Variants in PRDM1 observed in about 807,000 individuals in gnomAD.
PRDM1 encodes the protein PR/SET domain 1, also known as PR domain zinc finger protein 1.
A neutral mutation model predicts 62.8 loss-of-function variants in PRDM1; 13 were observed. That is an observed-to-expected ratio of 0.21 (90% CI 0.13 to 0.33). The LOEUF (loss-of-function observed/expected upper bound fraction) is 0.33, where lower values mean the gene tolerates loss of function less well. PRDM1 is among the 10% of genes least tolerant of loss of function. The pLI, the probability that PRDM1 is intolerant of heterozygous loss-of-function variation, is 1.00. For missense variants in PRDM1, 895 were observed against 1,058.8 expected, an observed-to-expected ratio of 0.85 and a Z score of 2.15; for synonymous variants, 396 against 417.6, an observed-to-expected ratio of 0.95 and a Z score of 0.63.
chr6:106,063,272 A>G (rs1773375197), intron 1 of PRDM1, among the ~76,000 whole-genome samples: 1 of 152,240 alleles, frequency 6.6e-6, no homozygotes, highest in African/African-American at 2.4e-5. Flanking sequence ...GCTGTAGAGC[A>G]GATAATCTCA....
At chr6:106,023,124 TTA>T (rs1235461512) in intron 1 of PRDM1, among the ~76,000 whole-genome samples, 1 of 152,220 alleles carries the variant, frequency 6.6e-6, no homozygotes, top group African/African-American at 2.4e-5. Context: ...TGGTAATTCA[TTA>T]GCACTGTCTT....
At chr6:106,067,992 T>G (rs892167872) in intron 1 of PRDM1, among the ~76,000 whole-genome samples, 1 of 152,192 alleles carries the variant, frequency 6.6e-6, no homozygotes, top group African/African-American at 2.4e-5. Context: ...TTATCTATAT[T>G]TATTTTGCAT....
chr6:106,071,452 GAAGA>G (rs1773519334), intron 1 of PRDM1, among the ~76,000 whole-genome samples: 1 of 151,866 alleles, frequency 6.6e-6, no homozygotes, highest in African/African-American at 2.4e-5. Context: ...ATTAATACAG[GAAGA>G]TAACAATGCT....
At chr6:105,993,134 A>C, upstream of PRDM1, among the ~76,000 whole-genome samples, 1 of 152,228 alleles carries the variant, frequency 6.6e-6, no homozygotes, top group East Asian at 1.9e-4. Flanking sequence ...CCCTCCTTTT[A>C]CAATATTTCA....
chr6:106,031,162 T>C (rs1394481239), intron 1 of PRDM1, among the ~76,000 whole-genome samples: 1 of 152,208 alleles, frequency 6.6e-6, no homozygotes, highest in Non-Finnish European at 1.5e-5. Context: ...CTTCAATTTT[T>C]AGAATATATA....
Position 106,086,396 on chromosome 6 carries a change from G to T in PRDM1, c.-158G>T. The stretch of plus-strand genomic sequence containing the variant: ...CCAGTGTTGCGGAGAGGCAAGAGCA[G>T]CGACCGCGGCACCTGTCCGCCCGGA... On this transcript the variant is annotated 5_prime_UTR_variant, in exon 1 of 7. Coordinates refer to ENST00000369096, the MANE Select transcript of PRDM1 (RefSeq NM_001198.4). 1 of 611,000 alleles carries T rather than the reference G, an allele frequency of 1.6e-6. No homozygotes were observed. The highest frequency in any genetic ancestry group is 2.9e-6 in the Non-Finnish European group (1 of 344,714). 37.8% of individuals were successfully genotyped at this position (611,000 alleles called of 1,614,324 possible).
intron 1 of PRDM1, among the ~76,000 whole-genome samples, chr6:106,034,917 G>T (rs1321060072): frequency 2.6e-5 from 4 of 152,178 alleles, no homozygotes; most frequent in African/African-American, 9.7e-5. Context: ...TTACAGGTGT[G>T]AGCCACCACA....
chr6:106,071,266 G>C (rs932225358), intron 1 of PRDM1, among the ~76,000 whole-genome samples: 2 of 148,886 alleles, frequency 1.3e-5, no homozygotes, highest in Admixed American at 6.7e-5. Context: ...GAGTGAGACT[G>C]GCTCAAAAAA....
chr6:106,033,072 T>G (rs1019177579), intron 1 of PRDM1, among the ~76,000 whole-genome samples: 9 of 1,430 alleles, frequency 6.3e-3, no homozygotes, highest in African/African-American at 0.033. Context: ...ACATGGGTAG[T>G]TTTTTTTTTT....
intron 1 of PRDM1, among the ~76,000 whole-genome samples, chr6:106,052,755 G>A (rs1235319457): frequency 6.6e-6 from 1 of 152,030 alleles, no homozygotes; most frequent in Non-Finnish European, 1.5e-5. Context: ...GATGGATCAC[G>A]AAGTCAGGAG....
intron 1 of PRDM1, among the ~76,000 whole-genome samples, chr6:106,066,595 T>G (rs2114597319): frequency 6.6e-6 from 1 of 152,330 alleles, no homozygotes; most frequent in Non-Finnish European, 1.5e-5. Flanking sequence ...AAGGGCATTC[T>G]TCTGTTCCTT....
At chr6:105,998,373 G>A (rs1373169780) in intron 1 of PRDM1, among the ~76,000 whole-genome samples, 1 of 151,992 alleles carries the variant, frequency 6.6e-6, no homozygotes, top group South Asian at 2.1e-4. Context: ...ACAACATAGC[G>A]AGACCCCATC....
At chr6:106,009,739 A>G (rs560308206) in intron 1 of PRDM1, among the ~76,000 whole-genome samples, 1 of 151,900 alleles carries the variant, frequency 6.6e-6, no homozygotes, top group Non-Finnish European at 1.5e-5. Flanking sequence ...TTTTTTTGAG[A>G]TGGAGTCTTG....
In PRDM1 at chr6:106,106,919, C is replaced by T; in HGVS notation, c.1911C>T (p.His637=). 11 of 1,612,694 alleles carry T rather than the reference C, an allele frequency of 6.8e-6. No individual in the cohort carries two copies. Among genetic ancestry groups the T allele is most frequent in the Non-Finnish European group, 9.3e-6 (11 of 1,179,048 alleles). ...GEKPHECQVC[H]KRFSSTSNLK... is the part of the protein sequence containing the mutation. ...TCTCCCCTACACTGTAGGTCTGCCA[C>T]AAGAGATTTAGCAGCACCAGCAATC... The change falls in exon 7 of 7, where the codon CAC becomes CAT. Residue 637 remains histidine, a synonymous_variant. Transcript: ENST00000369096. The surrounding 1 kb of genome is among the most constrained non-coding windows in gnomAD (Gnocchi z 4.4).
intron 1 of PRDM1, among the ~76,000 whole-genome samples, chr6:106,040,989 CT>C (rs1772986417): frequency 1.3e-5 from 2 of 152,168 alleles, no homozygotes; most frequent in African/African-American, 4.8e-5. Flanking sequence ...CCTTAGTTTA[CT>C]TTCCTATTTT....
chr6:106,099,081 C>A (rs779651328), intron 3 of PRDM1: 2 of 1,614,122 alleles, frequency 1.2e-6, no homozygotes, highest in Non-Finnish European at 8.5e-7. Context: ...GACGATAAAA[C>A]TGAAATGGAA....
intron 3 of PRDM1, 185 bp downstream of exon 3, chr6:106,095,919 G>A (rs1774103221): frequency 1.6e-6 from 1 of 638,562 alleles, no homozygotes; most frequent in African/African-American, 1.8e-5. Flanking sequence ...TGTCTGGCCT[G>A]TAGGTGGTTA....
At chr6:106,021,146 A>G (rs1156500303) in intron 1 of PRDM1, among the ~76,000 whole-genome samples, 1 of 152,246 alleles carries the variant, frequency 6.6e-6, no homozygotes, top group Non-Finnish European at 1.5e-5. Flanking sequence ...CAAGTTGGCA[A>G]GACTGTGTAA....
intron 2 of PRDM1, among the ~76,000 whole-genome samples, chr6:106,093,079 T>G (rs564956886): frequency 6.6e-6 from 1 of 152,356 alleles, no homozygotes; most frequent in African/African-American, 2.4e-5. Context: ...CCTTCTCTTT[T>G]TAATTGTTCT....
Sources: gnomAD v4.1 joint callset for allele counts (sites outside exome capture counted in the v4.1 genomes callset) on GRCh38, gnomAD v4.1.1 for gene constraint, Gnocchi (gnomAD v3.1) non-coding constraint, MANE v1.5 for transcripts, NCBI Gene and HGNC (gene_info 2026-07-23, HGNC 2026-07-21) for gene names.